ATP8B4: variants seen among roughly 807,000 people sequenced by gnomAD.
ATP8B4 encodes probable phospholipid-transporting ATPase IM.
In ATP8B4, 133 loss-of-function variants were observed where a neutral mutation model predicts 145.6. The observed-to-expected ratio is 0.91, with a 90% CI of 0.79 to 1.05. ATP8B4 has a LOEUF of 1.05. Among genes scored for constraint, ATP8B4 ranks in the 50% least tolerant of loss-of-function variants. The pLI is 0.00. For missense variants in ATP8B4, 1,458 were observed against 1,425.2 expected (o/e 1.02, Z -0.37); for synonymous variants, 507 against 492.9 (o/e 1.03, Z -0.38).
intron 14 of ATP8B4, among the ~76,000 whole-genome samples, chr15:49,959,236 G>A (rs1035445237): frequency 6.6e-6 from 1 of 151,686 alleles, no homozygotes; most frequent in Non-Finnish European, 1.5e-5. Context: ...GGGTGACAAA[G>A]GGCTATTGCT....
intron 13 of ATP8B4, among the ~76,000 whole-genome samples, chr15:49,965,092 T>A (rs939437587): frequency 1.3e-5 from 2 of 152,202 alleles, no homozygotes; most frequent in Non-Finnish European, 2.9e-5. Context: ...TACATTGATA[T>A]AACAATGCAA....
At chr15:50,058,333 A>G (rs991052427) in intron 3 of ATP8B4, among the ~76,000 whole-genome samples, 24 of 152,176 alleles carry the variant, frequency 1.6e-4, no homozygotes, top group Admixed American at 1.4e-3. Context: ...CCTGAACTAC[A>G]ACTTTGGACA....
chr15:49,980,708 G>A (rs964324587), intron 11 of ATP8B4, among the ~76,000 whole-genome samples: 4 of 152,180 alleles, frequency 2.6e-5, no homozygotes, highest in Admixed American at 2.6e-4. Flanking sequence ...AGGGTTCAGT[G>A]CAAAATGAAA....
At chr15:49,887,930 G>A (rs909743179) in intron 23 of ATP8B4, among the ~76,000 whole-genome samples, 3 of 152,116 alleles carry the variant, frequency 2.0e-5, no homozygotes, top group Admixed American at 6.5e-5. Flanking sequence ...CTTTCTGCTC[G>A]ACCACTGGCT....
In ATP8B4 at chr15:49,942,045, G is replaced by A. The variant is rs191784845; in HGVS notation, c.1288-7863C>T. Among the ~76,000 whole-genome samples the A allele has an allele frequency of 2.0e-5, 3 of 151,082 alleles. No homozygotes were observed. In the East Asian group the frequency reaches 5.8e-4, roughly 29 times the overall value. ...CAGACATTGCAGATTCAGAAGTGAG[G>A]AGGGTGGGAAGAGGGTAAGCGATAA... On this transcript the variant is annotated intron_variant, in intron 14 of 27. Transcript: ENST00000284509.
Position 49,972,655 on chromosome 15 carries a change from G to T in ATP8B4, c.1170C>A (p.Phe390Leu). 1 of 1,613,988 alleles carries T rather than the reference G, an allele frequency of 6.2e-7. No individual in the cohort carries two copies. Among genetic ancestry groups the T allele is most frequent in the Non-Finnish European group, 8.5e-7 (1 of 1,179,968 alleles). The change falls in exon 13 of 28, where the codon TTC (phenylalanine) becomes TTA (leucine). Residue 390 changes from phenylalanine (F) to leucine (L), a missense_variant. Transcript: ENST00000284509. ...NEELGQIEYI[F>L]SDKTGTLTQN... ...GAGTGAGGGTACCCGTTTTGTCGGA[G>T]AAAATGTACTCAATCTGCCCCAGTT... is the stretch of plus-strand genomic sequence containing the variant.
At chr15:50,107,276 TA>T (rs1290991631) in intron 1 of ATP8B4, among the ~76,000 whole-genome samples, 13 of 152,224 alleles carry the variant, frequency 8.5e-5, no homozygotes, top group African/African-American at 3.1e-4. Context: ...TTGAATCAAA[TA>T]TATCTCAAAT....
At chr15:50,121,567 C>A (rs2057270759), upstream of ATP8B4, among the ~76,000 whole-genome samples, 1 of 152,010 alleles carries the variant, frequency 6.6e-6, no homozygotes, top group Admixed American at 6.6e-5. Flanking sequence ...AGACGGGGAA[C>A]AGAGAAGGAT....
At chr15:49,913,440 C>T (rs1438594813) in intron 20 of ATP8B4, among the ~76,000 whole-genome samples, 1 of 152,044 alleles carries the variant, frequency 6.6e-6, no homozygotes, top group Non-Finnish European at 1.5e-5. Context: ...AGAGTTGAAA[C>T]CCTTTTTTCT....
chr15:50,024,678 C>G (rs957551433), intron 6 of ATP8B4, among the ~76,000 whole-genome samples: 2 of 152,210 alleles, frequency 1.3e-5, no homozygotes, highest in Non-Finnish European at 2.9e-5. Flanking sequence ...CTAGGGCTGC[C>G]TGTCACATTT....
intron 6 of ATP8B4, among the ~76,000 whole-genome samples, chr15:50,022,363 T>G (rs938178962): frequency 3.3e-5 from 5 of 152,182 alleles, no homozygotes; most frequent in African/African-American, 9.7e-5. Context: ...TACATTATAT[T>G]GAAACTAAAA....
At chr15:50,102,912 G>A (rs4570773) in intron 2 of ATP8B4, among the ~76,000 whole-genome samples, 150,154 of 152,244 alleles carry the variant, frequency 0.99, 74,080 homozygotes, top group East Asian at 1. Context: ...AGCGAGTTTC[G>A]TACCAGGGAT....
intron 3 of ATP8B4, among the ~76,000 whole-genome samples, chr15:50,047,803 G>C (rs2051838740): frequency 6.6e-6 from 1 of 152,152 alleles, no homozygotes; most frequent in South Asian, 2.1e-4. Flanking sequence ...AGCCCGCAAG[G>C]CAGGAGGGAA....
At chr15:50,145,943 G>A (rs1423611035) in intron 1 of ATP8B4, among the ~76,000 whole-genome samples, 3 of 151,604 alleles carry the variant, frequency 2.0e-5, no homozygotes, top group Non-Finnish European at 4.4e-5. Context: ...GAATGAGAAA[G>A]ATGGAAAAAG....
At chr15:50,139,888 T>C (rs1337708959) in intron 1 of ATP8B4, among the ~76,000 whole-genome samples, 1 of 152,190 alleles carries the variant, frequency 6.6e-6, no homozygotes, top group African/African-American at 2.4e-5. Context: ...GATGGGCAGA[T>C]AGAAATTAAA....
At chr15:50,177,768 C>G (rs2044785095) in intron 1 of ATP8B4, among the ~76,000 whole-genome samples, 1 of 152,200 alleles carries the variant, frequency 6.6e-6, no homozygotes, top group African/African-American at 2.4e-5. Flanking sequence ...GATGTGAATT[C>G]TTTGAATCAG....
intron 3 of ATP8B4, among the ~76,000 whole-genome samples, chr15:50,070,010 A>G (rs2053624421): frequency 6.6e-6 from 1 of 152,368 alleles, no homozygotes; most frequent in South Asian, 2.1e-4. Context: ...ATTTCCATAT[A>G]TTAAAAAAGG....
chr15:49,997,333 T>C (rs937637464), intron 8 of ATP8B4, among the ~76,000 whole-genome samples: 1 of 152,112 alleles, frequency 6.6e-6, no homozygotes, highest in Non-Finnish European at 1.5e-5. Context: ...AGACCACACA[T>C]ATTTTGGACA....
In ATP8B4 at chr15:49,913,124, C is replaced by CTTTTTTT. The variant is rs543634812; in HGVS notation, c.2141+3803_2141+3809dup. 9.3e-3 allele frequency among the ~76,000 whole-genome samples: 1,287 copies of CTTTTTTT among 139,124 alleles called. 11 individuals carry two copies. The highest frequency in any genetic ancestry group is 0.016 in the Non-Finnish European group (1,006 of 64,724). The allele number at this position is 139,124 out of a possible 152,430, so 91.3% of individuals were successfully genotyped here. A position where few individuals can be genotyped will look rare whatever the true frequency, so the allele number is the denominator to read the frequency against. ...GAAAGCCAGGTGACAGAGCACCTGG[C>CTTTTTTT]TTTTTTTTTTGTGTCTCAAAGAAAA... On this transcript the variant is annotated intron_variant, in intron 20 of 27. Coordinates refer to ENST00000284509, the MANE Select transcript of ATP8B4 (RefSeq NM_024837.4).
Sources: allele counts gnomAD v4.1 joint callset (sites outside exome capture counted in the v4.1 genomes callset), GRCh38; gene constraint gnomAD v4.1.1; transcripts MANE v1.5; gene names NCBI Gene and HGNC (gene_info 2026-07-23, HGNC 2026-07-21).